Variants in PTPRN2 observed in about 807,000 individuals in gnomAD.
The protein encoded by PTPRN2 is receptor-type tyrosine-protein phosphatase N2.
PTPRN2 carries 74 observed loss-of-function variants against 118.8 expected under a neutral mutation model. The ratio of observed to expected loss-of-function variants is 0.62; its 90% CI spans 0.52 to 0.76. The LOEUF (loss-of-function observed/expected upper bound fraction) is 0.76. PTPRN2 is among the 30% of genes least tolerant of loss of function. The probability of loss-of-function intolerance (pLI) is 0.00; values close to 1 mark genes in which losing one functional copy is unlikely to be tolerated. For missense variants in PTPRN2, 1,481 were observed against 1,394.4 expected (o/e 1.06, Z -0.99); for synonymous variants, 641 against 608.0 (o/e 1.05, Z -0.80).
At chr7:158,097,990 A>G (rs1814782215) in intron 10 of PTPRN2, among the ~76,000 whole-genome samples, 1 of 152,152 alleles carries the variant, frequency 6.6e-6, no homozygotes, top group African/African-American at 2.4e-5. Context: ...CCCGCCTGTC[A>G]GAGCTGCTCC....
At chr7:157,731,058 C>T (rs186583484) in intron 12 of PTPRN2, among the ~76,000 whole-genome samples, 1 of 152,180 alleles carries the variant, frequency 6.6e-6, no homozygotes, top group South Asian at 2.1e-4. Flanking sequence ...GGGGTCCTGT[C>T]TCATTCAAGT....
intron 11 of PTPRN2, among the ~76,000 whole-genome samples, chr7:157,922,088 G>A (rs960641319): frequency 8.5e-5 from 13 of 152,218 alleles, no homozygotes; most frequent in African/African-American, 2.9e-4. Flanking sequence ...TATTTGAAGT[G>A]CAGATGTCCC....
Position 157,626,207 on chromosome 7 carries a change from A to G in PTPRN2, c.2197-4698T>C, listed in dbSNP as rs529637227. Among the ~76,000 whole-genome samples, 6 of 152,188 alleles carry G rather than the reference A, an allele frequency of 3.9e-5. No individual in the cohort carries two copies. In the East Asian group the frequency reaches 9.6e-4, roughly 24 times the overall value. On this transcript the variant is annotated intron_variant, in intron 14 of 22. Transcript: ENST00000389418. ...CAGCCTTCTCGCTGATCTTCTTACCATCGCTTCCCCTTTCCAGTTGCTTTT... is the reference window on the plus strand; with the variant it reads ...CAGCCTTCTCGCTGATCTTCTTACCGTCGCTTCCCCTTTCCAGTTGCTTTT...
intron 21 of PTPRN2, among the ~76,000 whole-genome samples, chr7:157,561,089 C>T (rs1355636538): frequency 6.6e-6 from 1 of 152,174 alleles, no homozygotes; most frequent in Non-Finnish European, 1.5e-5. Flanking sequence ...CACTGCCTGG[C>T]TGGTCCCCCA....
intron 2 of PTPRN2, among the ~76,000 whole-genome samples, chr7:158,386,194 G>A (rs1322655088): frequency 3.9e-4 from 41 of 103,910 alleles, no homozygotes; most frequent in Non-Finnish European, 6.6e-4. Flanking sequence ...CCCTCCTCCC[G>A]TGCCCCGAGT....
intron 1 of PTPRN2, among the ~76,000 whole-genome samples, chr7:158,507,531 T>G (rs1040639789): frequency 3.7e-5 from 5 of 135,150 alleles, no homozygotes; most frequent in South Asian, 2.6e-4. Flanking sequence ...ATCACACACA[T>G]GAAGGTGAGT....
At chr7:158,006,633 A>G (rs1462593665) in intron 11 of PTPRN2, among the ~76,000 whole-genome samples, 5 of 152,190 alleles carry the variant, frequency 3.3e-5, no homozygotes, top group African/African-American at 1.2e-4. Context: ...CTTAAGGGCC[A>G]TCCCACCCCT....
At chr7:158,068,918 C>T (rs182419460) in intron 11 of PTPRN2, among the ~76,000 whole-genome samples, 77 of 152,294 alleles carry the variant, frequency 5.1e-4, no homozygotes, top group African/African-American at 1.7e-3. Flanking sequence ...ATTGTACATC[C>T]ACCTTTAATC....
chr7:158,361,563 C>G (rs1158756859), intron 2 of PTPRN2, among the ~76,000 whole-genome samples: 1 of 152,228 alleles, frequency 6.6e-6, no homozygotes, highest in Non-Finnish European at 1.5e-5. Context: ...CTCCAATATT[C>G]AGACCTGAGA....
intron 12 of PTPRN2, among the ~76,000 whole-genome samples, chr7:157,766,203 C>G (rs1802472768): frequency 6.9e-6 from 1 of 145,830 alleles, no homozygotes; most frequent in South Asian, 2.3e-4. Context: ...ATCCATCCAT[C>G]CATCCATCCA....
intron 3 of PTPRN2, among the ~76,000 whole-genome samples, chr7:158,290,868 G>A (rs895131814): frequency 2.0e-5 from 3 of 152,200 alleles, no homozygotes; most frequent in African/African-American, 7.2e-5. Flanking sequence ...TGTGATGGAT[G>A]AGCAATGGAG....
At chr7:158,110,593 T>A (rs557683466) in intron 10 of PTPRN2, among the ~76,000 whole-genome samples, 1 of 152,292 alleles carries the variant, frequency 6.6e-6, no homozygotes, top group Admixed American at 6.5e-5. Context: ...CACCAAAGGT[T>A]TGACACTTGG....
intron 2 of PTPRN2, among the ~76,000 whole-genome samples, chr7:158,415,697 C>G (rs765814510): frequency 6.6e-6 from 1 of 152,158 alleles, no homozygotes; most frequent in Non-Finnish European, 1.5e-5. Context: ...ATCCCATACA[C>G]GCAAATCCTC....
At chr7:158,547,130 TG>T (rs1259449027) in intron 1 of PTPRN2, among the ~76,000 whole-genome samples, 1 of 152,216 alleles carries the variant, frequency 6.6e-6, no homozygotes, top group Non-Finnish European at 1.5e-5. Flanking sequence ...TTGGGGGCTT[TG>T]TTTTTTTTAA....
chr7:158,325,285 G>A (rs1055317077), intron 2 of PTPRN2, among the ~76,000 whole-genome samples: 4 of 152,138 alleles, frequency 2.6e-5, no homozygotes, highest in Admixed American at 1.3e-4. Context: ...GCTTACAGGC[G>A]CCTGTGGCAC....
At position 158,225,954 on chromosome 7, in the gene PTPRN2, C is replaced by A. The variant is rs144135323; in HGVS notation, c.278-20681G>T. 2.7e-3 allele frequency among the ~76,000 whole-genome samples: 411 copies of A among 152,124 alleles called. 1 individual carries two copies. The highest frequency in any genetic ancestry group is 9.3e-3 in the African/African-American group (387 of 41,482). On this transcript the variant is annotated intron_variant, in intron 3 of 22. Coordinates refer to ENST00000389418, the MANE Select transcript of PTPRN2 (RefSeq NM_002847.5). ...TAGTCACAGGAGGACGTCAAAGCTACATCAGGAAGCACCGGTGCATCTGTG... is the reference window on the plus strand; with the variant it reads ...TAGTCACAGGAGGACGTCAAAGCTAAATCAGGAAGCACCGGTGCATCTGTG...
At chr7:158,140,581 G>A (rs534953021) in intron 6 of PTPRN2, among the ~76,000 whole-genome samples, 23 of 152,236 alleles carry the variant, frequency 1.5e-4, no homozygotes, top group South Asian at 4.2e-4. Flanking sequence ...GAGAGAAGCC[G>A]GTCACCAGAG....
chr7:158,113,768 C>T (rs188788811), intron 9 of PTPRN2, among the ~76,000 whole-genome samples: 232 of 137,110 alleles, frequency 1.7e-3, no homozygotes, highest in Middle Eastern at 4.2e-3. Context: ...CATCTGATGG[C>T]GTCGACGCTA....
chr7:158,171,521 C>T (rs1329308967), intron 5 of PTPRN2, among the ~76,000 whole-genome samples: 1 of 151,478 alleles, frequency 6.6e-6, no homozygotes, highest in African/African-American at 2.4e-5. Context: ...GCTAACTTTT[C>T]TGCATTTTTA....
Sources: allele counts gnomAD v4.1 joint callset (sites outside exome capture counted in the v4.1 genomes callset), GRCh38; gene constraint gnomAD v4.1.1; transcripts MANE v1.5; gene names NCBI Gene and HGNC (gene_info 2026-07-23, HGNC 2026-07-21).